The following BACE2 variants were observed in gnomAD, a reference collection of about 807,000 sequenced individuals.
The protein encoded by BACE2 is beta-secretase 2.
In BACE2, 17 loss-of-function variants were observed where a neutral mutation model predicts 46.2. That is an observed-to-expected ratio of 0.37 (90% CI 0.25 to 0.55). BACE2 has a LOEUF of 0.55. Among genes scored for constraint, BACE2 ranks in the 20% least tolerant of loss-of-function variants. The pLI is 0.82. For missense variants in BACE2, 595 were observed against 698.1 expected (o/e 0.85, Z 1.66); for synonymous variants, 277 against 295.9 (o/e 0.94, Z 0.66).
In BACE2 at chr21:41,168,479, G is replaced by C; in HGVS notation, c.216G>C (p.Ala72=). Residue 72 remains alanine (A), a synonymous_variant, in exon 1 of 9, where the codon GCG becomes GCC. Coordinates refer to ENST00000330333, the MANE Select transcript of BACE2 (RefSeq NM_012105.5). Reference sequence around the variant, plus strand: ...TGGAGCCTGCCCTGGCGTCCCCCGCGGGCGCCGCCAACTTCTTGGCCATGG... The same window carrying C: ...TGGAGCCTGCCCTGGCGTCCCCCGCCGGCGCCGCCAACTTCTTGGCCATGG... The part of the protein sequence containing the change: ...LALEPALASP[A]GAANFLAMVD... 7.3e-7 allele frequency: 1 copy of C among 1,367,660 alleles called. No homozygotes were observed. Among genetic ancestry groups the C allele is most frequent in the Non-Finnish European group, 9.5e-7 (1 of 1,054,556 alleles). The allele number at this position is 1,367,660 out of a possible 1,614,324, so 84.7% of individuals were successfully genotyped here.
intron 6 of BACE2, 80 bp from the exon 7 acceptor site, chr21:41,250,672 G>A (rs368670104): frequency 8.0e-6 from 11 of 1,369,532 alleles, no homozygotes; most frequent in African/African-American, 5.8e-5. Context: ...ATCTGGCGAG[G>A]TGGCTAGGAA....
Position 41,278,228 on chromosome 21 carries a change from T to C in BACE2, c.*2604T>C, listed in dbSNP as rs1344860849. On this transcript the variant is annotated 3_prime_UTR_variant, in exon 9 of 9. Transcript: ENST00000330333. ...CTTGTCAAGTCTGATGGGAAATGAA[T>C]AGATGCTGCTTTATTTCCTTGATAA... 6.6e-6 allele frequency: 1 copy of C among 152,228 alleles called. No homozygotes were observed. Among genetic ancestry groups the C allele is most frequent in the Non-Finnish European group, 1.5e-5 (1 of 68,040 alleles). The allele number at this position is 152,228 out of a possible 1,614,324, so 9.4% of individuals were successfully genotyped here.
chr21:41,213,935 G>A (rs1211234336), intron 1 of BACE2, among the ~76,000 whole-genome samples: 1 of 152,154 alleles, frequency 6.6e-6, no homozygotes, highest in Non-Finnish European at 1.5e-5. Flanking sequence ...TAGTGCCATG[G>A]GATGCTGTGG....
At chr21:41,237,356 G>A (rs1047684333) in intron 2 of BACE2, among the ~76,000 whole-genome samples, 157 bp from the exon 3 acceptor site, 27 of 152,182 alleles carry the variant, frequency 1.8e-4, no homozygotes, top group African/African-American at 6.5e-4. Context: ...TGAGGCAGGA[G>A]AATCGCTTGA....
In BACE2 at chr21:41,243,163, C is replaced by T. The variant is rs559594080; in HGVS notation, c.748-213C>T. On this transcript the variant is annotated intron_variant, in intron 4 of 8. Coordinates refer to ENST00000330333, the MANE Select transcript of BACE2 (RefSeq NM_012105.5). ...TCCTGACTTCATGATCCGCCCACCT[C>T]AGCCTCCCAAAGTGCTGGGATTACA... is the stretch of plus-strand genomic sequence containing the variant. Among the ~76,000 whole-genome samples, 5 of 152,322 alleles carry T rather than the reference C, an allele frequency of 3.3e-5. No homozygotes were observed. In the South Asian group the frequency reaches 8.3e-4, roughly 25 times the overall value.
intron 1 of BACE2, among the ~76,000 whole-genome samples, chr21:41,204,985 T>C (rs967564154): frequency 6.6e-6 from 1 of 152,214 alleles, no homozygotes; most frequent in South Asian, 2.1e-4. Context: ...CAAAGCCTTA[T>C]ATGAGCCACA....
intron 1 of BACE2, among the ~76,000 whole-genome samples, chr21:41,203,150 A>G (rs1354654095): frequency 6.6e-6 from 1 of 152,196 alleles, no homozygotes; most frequent in East Asian, 1.9e-4. Flanking sequence ...GACAGGCAGG[A>G]CAACATGTTG....
chr21:41,198,649 C>T (rs1985827383), intron 1 of BACE2, among the ~76,000 whole-genome samples: 1 of 152,186 alleles, frequency 6.6e-6, no homozygotes, highest in East Asian at 1.9e-4. Context: ...GCGTATTTGA[C>T]TCCTCTTTCC....
chr21:41,202,119 G>T (rs2123530856), intron 1 of BACE2, among the ~76,000 whole-genome samples: 1 of 152,290 alleles, frequency 6.6e-6, no homozygotes, highest in Middle Eastern at 3.4e-3. Flanking sequence ...AAAAGTCTTT[G>T]TGCTAAATGA....
intron 1 of BACE2, among the ~76,000 whole-genome samples, chr21:41,212,925 C>G (rs1351122026): frequency 6.6e-6 from 1 of 152,164 alleles, no homozygotes; most frequent in African/African-American, 2.4e-5. Flanking sequence ...TTTAGCCTAC[C>G]CTTGCCATGT....
chr21:41,191,959 G>T (rs1268863955), intron 1 of BACE2, among the ~76,000 whole-genome samples: 1 of 152,186 alleles, frequency 6.6e-6, no homozygotes, highest in East Asian at 1.9e-4. Flanking sequence ...TTCCAATCAT[G>T]CTTCTTCCAA....
At chr21:41,214,717 T>C (rs553183306) in intron 1 of BACE2, among the ~76,000 whole-genome samples, 1 of 152,346 alleles carries the variant, frequency 6.6e-6, no homozygotes, top group East Asian at 1.9e-4. Context: ...ATTCAACAAC[T>C]GTTTAGTGAG....
intron 7 of BACE2, among the ~76,000 whole-genome samples, chr21:41,255,425 A>G (rs1486699715): frequency 6.6e-6 from 1 of 152,196 alleles, no homozygotes; most frequent in African/African-American, 2.4e-5. Context: ...GAAATCCAAT[A>G]CAGTGCCTGA....
intron 1 of BACE2, among the ~76,000 whole-genome samples, chr21:41,187,040 T>C (rs910206282): frequency 2.6e-5 from 4 of 152,210 alleles, no homozygotes; most frequent in Admixed American, 1.3e-4. Context: ...TTTGGTCCTA[T>C]GTCCAAGCCT....
At chr21:41,181,258 A>G (rs1266094365) in intron 1 of BACE2, 1 of 167,092 alleles carries the variant, frequency 6.0e-6, no homozygotes, top group Non-Finnish European at 1.5e-5. Context: ...ATTCATAGTC[A>G]CAAACAAAAA....
intron 4 of BACE2, 151 bp from the exon 5 acceptor site, chr21:41,243,225 T>A (rs1987357367): frequency 1.6e-6 from 1 of 640,224 alleles, no homozygotes; most frequent in Non-Finnish European, 2.4e-6. Context: ...TGTTTATTTT[T>A]TAAGCATTGA....
At chr21:41,244,136 T>C (rs898944104) in intron 5 of BACE2, among the ~76,000 whole-genome samples, 3 of 152,196 alleles carry the variant, frequency 2.0e-5, no homozygotes, top group Admixed American at 6.5e-5. Context: ...AGAGCCTCAG[T>C]CTTCTATAGC....
At chr21:41,248,239 A>G (rs764611137) in intron 6 of BACE2, among the ~76,000 whole-genome samples, 5 of 152,132 alleles carry the variant, frequency 3.3e-5, no homozygotes, top group Non-Finnish European at 7.4e-5. Flanking sequence ...AATGGCTTCT[A>G]ACTTTAACAC....
Position 41,226,358 on chromosome 21 carries a change from A to G in BACE2, c.401+4A>G. 1.2e-5 allele frequency: 20 copies of G among 1,610,884 alleles called. No homozygotes were observed. Among genetic ancestry groups the G allele is most frequent in the Non-Finnish European group, 1.6e-5 (19 of 1,179,210 alleles). Reference sequence around the variant, plus strand: ...ACACGTACTTTGACACAGAGAGGTAAGCGCTGGCCCCTTGGCTGGTGTGCT... The same window carrying G: ...ACACGTACTTTGACACAGAGAGGTAGGCGCTGGCCCCTTGGCTGGTGTGCT... On this transcript the variant is annotated splice_donor_region_variant and intron_variant, in intron 2 of 8. Coordinates refer to ENST00000330333, the MANE Select transcript of BACE2 (RefSeq NM_012105.5).
Sources: allele counts gnomAD v4.1 joint callset (sites outside exome capture counted in the v4.1 genomes callset), GRCh38; gene constraint gnomAD v4.1.1; transcripts MANE v1.5; gene names NCBI Gene and HGNC (gene_info 2026-07-23, HGNC 2026-07-21).